Variants in CENPQ observed in about 807,000 individuals in gnomAD.
The protein encoded by CENPQ is centromere protein Q.
CENPQ carries 27 observed loss-of-function variants against 36.6 expected under a neutral mutation model. The observed-to-expected ratio is 0.74, with a 90% confidence interval of 0.54 to 1.02. The LOEUF (loss-of-function observed/expected upper bound fraction) is 1.02, where lower values mean the gene tolerates loss of function less well. Ranked by LOEUF, CENPQ falls within the 50% of genes least tolerant of loss-of-function variation. CENPQ has a pLI of 0.00. For synonymous variants in CENPQ, 101 were observed against 101.7 expected, an observed-to-expected ratio of 0.99 and a Z score of 0.04; for missense variants, 306 against 301.8, an observed-to-expected ratio of 1.01 and a Z score of -0.10.
chr6:49,464,131 A>C (rs146543457), intron 1 of CENPQ, among the ~76,000 whole-genome samples: 117 of 152,300 alleles, frequency 7.7e-4, no homozygotes, highest in African/African-American at 2.7e-3. Context: ...AATAATGTAC[A>C]AACATACTTC....
At chr6:49,469,322 TTA>T (rs1372951261) in intron 1 of CENPQ, among the ~76,000 whole-genome samples, 2 of 152,224 alleles carry the variant, frequency 1.3e-5, no homozygotes, top group Admixed American at 6.5e-5. Context: ...GTGTATATGT[TTA>T]TATGTGTATA....
chr6:49,483,665 A>G (rs563699862), intron 6 of CENPQ, among the ~76,000 whole-genome samples: 1 of 152,344 alleles, frequency 6.6e-6, no homozygotes, highest in African/African-American at 2.4e-5. Flanking sequence ...TTGGGTGCTA[A>G]GCCCCTCATT....
chr6:49,466,194 C>G (rs914993577), intron 1 of CENPQ, among the ~76,000 whole-genome samples: 1 of 152,176 alleles, frequency 6.6e-6, no homozygotes, highest in Non-Finnish European at 1.5e-5. Flanking sequence ...CTATTAAGTT[C>G]TCTGTCTGAT....
chr6:49,464,524 G>A (rs1171939465), intron 1 of CENPQ, among the ~76,000 whole-genome samples: 1 of 152,222 alleles, frequency 6.6e-6, no homozygotes, highest in Non-Finnish European at 1.5e-5. Context: ...ATGTGATGCT[G>A]TTTGAAAGCA....
intron 5 of CENPQ, among the ~76,000 whole-genome samples, chr6:49,473,993 T>C: frequency 6.6e-6 from 1 of 152,144 alleles, no homozygotes; most frequent in East Asian, 1.9e-4. Context: ...ATGCACCTAA[T>C]ACAGGAGCAC....
intron 1 of CENPQ, 50 bp downstream of exon 1, chr6:49,463,503 G>A (rs1767918276): frequency 6.6e-6 from 1 of 152,262 alleles, no homozygotes; most frequent in Admixed American, 6.5e-5. Flanking sequence ...GTTCAGGGAT[G>A]AGTTTTAAAG....
At chr6:49,477,995 T>G (rs994534650) in intron 5 of CENPQ, among the ~76,000 whole-genome samples, 1 of 152,222 alleles carries the variant, frequency 6.6e-6, no homozygotes, top group Non-Finnish European at 1.5e-5. Flanking sequence ...TTGGAAAAGA[T>G]TATATTCAAC....
chr6:49,477,042 C>A (rs1204210702), intron 5 of CENPQ, among the ~76,000 whole-genome samples: 1 of 152,168 alleles, frequency 6.6e-6, no homozygotes, highest in African/African-American at 2.4e-5. Context: ...ACTAGAAATA[C>A]CATTTGATCT....
intron 5 of CENPQ, among the ~76,000 whole-genome samples, chr6:49,473,180 T>C (rs1432155310): frequency 1.3e-5 from 2 of 152,196 alleles, no homozygotes; most frequent in Non-Finnish European, 2.9e-5. Flanking sequence ...AAGTTAATAG[T>C]TCACAACTCT....
intron 1 of CENPQ, among the ~76,000 whole-genome samples, chr6:49,467,579 A>G (rs180877623): frequency 5.3e-5 from 8 of 152,238 alleles, no homozygotes; most frequent in African/African-American, 1.9e-4. Context: ...TTCAATGTGC[A>G]TAAAATTACT....
In CENPQ at chr6:49,487,168, A is replaced by AAAAAAAAAAAAAAAGATGGTCCTGAGTTG. The variant is rs541811843; in HGVS notation, c.478-1183_478-1182insAAAAAAAAAAAAAGATGGTCCTGAGTTGA. ...AACTCCATCTCAAAAAAAAAAAAAA[A>AAAAAAAAAAAAAAAGATGGTCCTGAGTTG]ATAAAAAAAATAAAAACAGAGTCTG... On this transcript the variant is annotated intron_variant, in intron 6 of 8. Coordinates refer to ENST00000335783, the MANE Select transcript of CENPQ (RefSeq NM_018132.4). Among the ~76,000 whole-genome samples the AAAAAAAAAAAAAAAGATGGTCCTGAGTTG allele has an allele frequency of 4.0e-4, 29 of 72,352 alleles. 12 individuals carry two copies. The highest frequency in any genetic ancestry group is 8.4e-4 in the East Asian group (2 of 2,374). The allele number at this position is 72,352 out of a possible 152,430, so 47.5% of individuals were successfully genotyped here. A position where few individuals can be genotyped will look rare whatever the true frequency, so the allele number is the denominator to read the frequency against.
rs543354946 is a variant in CENPQ at position 49,492,044 on chromosome 6, A to G, written c.676-100A>G. On this transcript the variant is annotated intron_variant, in intron 8 of 8. Transcript: ENST00000335783. Reference sequence around the variant, plus strand: ...CGTTGACAATTATTGAAGTTGGATGATAGATACTTAAGGTTTATTTTACTG... The same window carrying G: ...CGTTGACAATTATTGAAGTTGGATGGTAGATACTTAAGGTTTATTTTACTG... The G allele has an allele frequency of 3.3e-5, 29 of 869,796 alleles. No homozygotes were observed. In the South Asian group the frequency reaches 4.7e-4, roughly 14 times the overall value. The allele number at this position is 869,796 out of a possible 1,614,324, so 53.9% of individuals were successfully genotyped here. A position where few individuals can be genotyped will look rare whatever the true frequency, so the allele number is the denominator to read the frequency against.
rs113786985 is a variant in CENPQ, at chr6:49,471,855, T to C, written c.158-208T>C. On this transcript the variant is annotated intron_variant, in intron 3 of 8. Coordinates refer to ENST00000335783, the MANE Select transcript of CENPQ (RefSeq NM_018132.4). ...TTCTATTATCACTTGGTAGTATTTC[T>C]GTTAACTTATCAATAGAAAGCATAT... Among the ~76,000 whole-genome samples the C allele has an allele frequency of 5.7e-3, 865 of 152,342 alleles. 5 individuals carry two copies. The highest frequency in any genetic ancestry group is 0.019 in the African/African-American group (771 of 41,588).
intron 6 of CENPQ, among the ~76,000 whole-genome samples, chr6:49,481,848 C>T (rs909520476): frequency 6.6e-6 from 1 of 151,816 alleles, no homozygotes; most frequent in African/African-American, 2.4e-5. Flanking sequence ...CTTGGGTGGT[C>T]GATGGGACTG....
At chr6:49,473,144 CCTTCAA>C (rs1768185880) in intron 5 of CENPQ, among the ~76,000 whole-genome samples, 1 of 152,184 alleles carries the variant, frequency 6.6e-6, no homozygotes, top group African/African-American at 2.4e-5. Flanking sequence ...ACTTGAACTC[CCTTCAA>C]CTTCATTTTT....
intron 6 of CENPQ, among the ~76,000 whole-genome samples, chr6:49,484,726 G>T (rs1387117454): frequency 2.6e-5 from 4 of 152,102 alleles, no homozygotes; most frequent in Non-Finnish European, 5.9e-5. Flanking sequence ...TTAGCTAATA[G>T]GGCGGCATTT....
rs902066598 is a variant in CENPQ at position 49,493,097 on chromosome 6, A to G, written c.*822A>G. On this transcript the variant is annotated 3_prime_UTR_variant, in exon 9 of 9. Transcript: ENST00000335783. ...TTAGTCTGTAAAATAAAATGACTGC[A>G]ATTACTTTTTTATGTGACCTATAAT... 16 of 150,914 alleles carry G rather than the reference A, an allele frequency of 1.1e-4. No homozygotes were observed. The highest frequency in any genetic ancestry group is 1.8e-4 in the Non-Finnish European group (12 of 67,780). 9.3% of individuals were successfully genotyped at this position (150,914 alleles called of 1,614,324 possible). A position where few individuals can be genotyped will look rare whatever the true frequency, so the allele number is the denominator to read the frequency against.
rs893332081 is a variant in CENPQ, at chr6:49,492,685, C to G, written c.*410C>G. 4 of 152,632 alleles carry G rather than the reference C, an allele frequency of 2.6e-5. No individual in the cohort carries two copies. The highest frequency in any genetic ancestry group is 9.6e-5 in the African/African-American group (4 of 41,456). The allele number at this position is 152,632 out of a possible 1,614,324, so 9.5% of individuals were successfully genotyped here. A position where few individuals can be genotyped will look rare whatever the true frequency, so the allele number is the denominator to read the frequency against. On this transcript the variant is annotated 3_prime_UTR_variant, in exon 9 of 9. Transcript: ENST00000335783. ...GTGTTTGCTATCATTCATTCTGTAGCCAATGGCTTACAGTTTCTGTCTGGT... is the reference window on the plus strand; with the variant it reads ...GTGTTTGCTATCATTCATTCTGTAGGCAATGGCTTACAGTTTCTGTCTGGT...
chr6:49,479,707 G>T (rs973483783), intron 5 of CENPQ, among the ~76,000 whole-genome samples: 12 of 152,072 alleles, frequency 7.9e-5, no homozygotes, highest in African/African-American at 2.9e-4. Context: ...CAATTGCAAA[G>T]ACATAGAATC....
Sources: allele counts gnomAD v4.1 joint callset (sites outside exome capture counted in the v4.1 genomes callset), GRCh38; gene constraint gnomAD v4.1.1; transcripts MANE v1.5; gene names NCBI Gene and HGNC (gene_info 2026-07-23, HGNC 2026-07-21).